LRGUK: variants seen among roughly 807,000 people sequenced by gnomAD.
LRGUK encodes leucine-rich repeat and guanylate kinase domain-containing protein.
In LRGUK, 65 loss-of-function variants were observed where a neutral mutation model predicts 76.0. That is an observed-to-expected ratio of 0.85 (90% CI 0.70 to 1.05). The LOEUF (loss-of-function observed/expected upper bound fraction) is 1.05. LRGUK is among the 50% of genes least tolerant of loss of function. The pLI is 0.00. For synonymous variants in LRGUK, 268 were observed against 265.6 expected (o/e 1.01, Z -0.09); for missense variants, 758 against 732.8 (o/e 1.03, Z -0.40).
At chr7:134,275,190 G>T in the LRGUK span, among the ~76,000 whole-genome samples, 8 of 151,868 alleles carry the variant, frequency 5.3e-5, no homozygotes, top group African/African-American at 1.9e-4. Flanking sequence ...TACAGACTCA[G>T]TTTATAGAAT....
chr7:134,215,563 T>C (rs1700846790), intron 15 of LRGUK, among the ~76,000 whole-genome samples: 1 of 152,010 alleles, frequency 6.6e-6, no homozygotes, highest in South Asian at 2.1e-4. Context: ...CAGGATAAGA[T>C]ACATCCAAAA....
intron 16 of LRGUK, 104 bp from the exon 17 acceptor site, chr7:134,247,452 C>T: frequency 1.4e-6 from 1 of 714,860 alleles, no homozygotes; most frequent in Non-Finnish European, 2.2e-6. Context: ...TTTTTCTTCC[C>T]ACATATTTGT....
rs371559729 is a variant in LRGUK at position 134,138,235 on chromosome 7, G to T, written c.405+1105G>T. ...TGTAGGTAGTGCTATGCCTTAAATT[G>T]ATCTACCCCAAAAAGCAATCCTTTA... On this transcript the variant is annotated intron_variant, in intron 2 of 15. Transcript: ENST00000645682. Among the ~76,000 whole-genome samples the T allele has an allele frequency of 3.1e-4, 47 of 152,230 alleles. No individual in the cohort carries two copies. In the East Asian group the frequency reaches 8.7e-3, roughly 28 times the overall value.
chr7:134,168,363 C>T (rs1245807677), intron 7 of LRGUK, among the ~76,000 whole-genome samples: 6 of 152,140 alleles, frequency 3.9e-5, no homozygotes. Context: ...ACACCCCCAT[C>T]TCTTATAAAA....
At chr7:134,186,995 C>T (rs1800003066) in intron 11 of LRGUK, among the ~76,000 whole-genome samples, 1 of 152,154 alleles carries the variant, frequency 6.6e-6, no homozygotes. Context: ...TCCAACTGTT[C>T]ACTGTCATTC....
At chr7:134,198,606 A>C (rs1201506210) in intron 13 of LRGUK, among the ~76,000 whole-genome samples, 1 of 152,178 alleles carries the variant, frequency 6.6e-6, no homozygotes, top group Non-Finnish European at 1.5e-5. Context: ...ATAGCCAGAG[A>C]ACTTGAAGGA....
At chr7:134,139,328 T>C in intron 2 of LRGUK, 108 bp from the exon 3 acceptor site, 2 of 709,634 alleles carry the variant, frequency 2.8e-6, no homozygotes, top group Admixed American at 6.0e-5. Context: ...TCTTCTTCTA[T>C]ACTTGTGAAA....
At position 134,176,953 on chromosome 7, in the gene LRGUK, C is replaced by A. The variant is rs112715951; in HGVS notation, c.1021-24C>A. On this transcript the variant is annotated intron_variant, in intron 8 of 15. Transcript: ENST00000645682. ...ATTTGGGAAAAGGAAGGCAACTGAA[C>A]AGTCCTCTTGATATTTTAAATAGGA... The A allele has an allele frequency of 4.4e-4, 626 of 1,433,442 alleles. 4 individuals are homozygous for A. The Middle Eastern group carries it at 6.4e-3, about 15-fold the overall frequency. 88.8% of individuals were successfully genotyped at this position (1,433,442 alleles called of 1,614,324 possible). A position where few individuals can be genotyped will look rare whatever the true frequency, so the allele number is the denominator to read the frequency against.
At chr7:134,183,511 G>A (rs1484079230) in intron 10 of LRGUK, among the ~76,000 whole-genome samples, 2 of 152,188 alleles carry the variant, frequency 1.3e-5, no homozygotes, top group East Asian at 3.8e-4. Context: ...TCATGTTAAA[G>A]TAAATTTACG....
chr7:134,222,665 A>G (rs765116141), intron 16 of LRGUK, among the ~76,000 whole-genome samples: 12 of 151,606 alleles, frequency 7.9e-5, no homozygotes, highest in Non-Finnish European at 1.2e-4. Context: ...CTGGAGTGCA[A>G]TGGTGTGATA....
intron 5 of LRGUK, among the ~76,000 whole-genome samples, chr7:134,157,799 A>G (rs1052863382): frequency 2.6e-5 from 4 of 152,198 alleles, no homozygotes; most frequent in African/African-American, 9.7e-5. Flanking sequence ...CTGAGATTAC[A>G]GGCGTGAGCC....
intron 10 of LRGUK, among the ~76,000 whole-genome samples, chr7:134,183,404 C>A (rs1047912007): frequency 5.3e-5 from 8 of 152,130 alleles, no homozygotes; most frequent in Non-Finnish European, 8.8e-5. Context: ...TCTTATTTAA[C>A]TTTAACAGTC....
intron 4 of LRGUK, among the ~76,000 whole-genome samples, chr7:134,144,427 C>T (rs1473095956): frequency 6.6e-6 from 1 of 152,194 alleles, no homozygotes; most frequent in Non-Finnish European, 1.5e-5. Context: ...GTGTAAGCCA[C>T]CACGCCTGGC....
intron 16 of LRGUK, among the ~76,000 whole-genome samples, chr7:134,241,597 A>T (rs896575864): frequency 1.3e-5 from 2 of 152,182 alleles, no homozygotes; most frequent in Non-Finnish European, 2.9e-5. Context: ...CTCCCACAAA[A>T]TAATAATGGG....
intron 16 of LRGUK, among the ~76,000 whole-genome samples, chr7:134,225,977 T>C (rs1159844707): frequency 1.3e-5 from 2 of 152,174 alleles, no homozygotes; most frequent in Non-Finnish European, 2.9e-5. Context: ...GAAGTTGTTG[T>C]TTTTTCTCAT....
chr7:134,150,002 G>A lies in LRGUK; in HGVS notation c.670+1683G>A, dbSNP rs533769009. Reference sequence around the variant, plus strand: ...AAACACTGGTTGGTCTAGGCCGGGCGTGGTGGCTTATGCCTGTGATCCCAG... The same window carrying A: ...AAACACTGGTTGGTCTAGGCCGGGCATGGTGGCTTATGCCTGTGATCCCAG... On this transcript the variant is annotated intron_variant, in intron 5 of 15. Coordinates refer to ENST00000645682, the Ensembl canonical transcript of LRGUK. 7.9e-5 allele frequency among the ~76,000 whole-genome samples: 12 copies of A among 152,306 alleles called. No individual in the cohort carries two copies. The East Asian group carries it at 1.9e-3, about 25-fold the overall frequency.
intron 7 of LRGUK, among the ~76,000 whole-genome samples, chr7:134,164,611 C>G (rs17167560): frequency 0.13 from 20,042 of 152,106 alleles, 1,673 homozygotes; most frequent in East Asian, 0.32. Flanking sequence ...TAAGGAAGTT[C>G]AATGTTTATT....
intron 15 of LRGUK, among the ~76,000 whole-genome samples, chr7:134,215,373 C>T (rs1465039860): frequency 6.6e-6 from 1 of 152,164 alleles, no homozygotes; most frequent in African/African-American, 2.4e-5. Flanking sequence ...AAACCCTGCA[C>T]TGAGTGCCCT....
chr7:134,213,248 G>A (rs543936799), downstream of LRGUK, among the ~76,000 whole-genome samples: 3 of 152,228 alleles, frequency 2.0e-5, no homozygotes, highest in South Asian at 6.2e-4. Flanking sequence ...GTATCTAAGA[G>A]GCATCTGTCT....
Sources: allele counts gnomAD v4.1 joint callset (sites outside exome capture counted in the v4.1 genomes callset), GRCh38; gene constraint gnomAD v4.1.1; transcripts MANE v1.5; gene names NCBI Gene and HGNC (gene_info 2026-07-23, HGNC 2026-07-21).